PRKDC: variants seen among roughly 807,000 people sequenced by gnomAD.
PRKDC encodes the protein protein kinase, DNA-activated, catalytic subunit.
PRKDC carries 82 observed loss-of-function variants against 486.9 expected under a neutral mutation model. The ratio of observed to expected loss-of-function variants is 0.17; its 90% CI spans 0.14 to 0.20. The LOEUF is 0.20. Among genes scored for constraint, PRKDC ranks in the 10% least tolerant of loss-of-function variants. PRKDC has a pLI of 1.00. For missense variants in PRKDC, 4,504 were observed against 5,038.2 expected, an observed-to-expected ratio of 0.89 and a Z score of 3.21; for synonymous variants, 1,895 against 1,837.0, an observed-to-expected ratio of 1.03 and a Z score of -0.81.
Position 47,918,341 on chromosome 8 carries a change from GC to G in PRKDC, c.2461del (p.Ala821LeufsTer11). 6.3e-7 allele frequency: 1 copy of G among 1,594,522 alleles called. No homozygotes were observed. Among genetic ancestry groups the G allele is most frequent in the Non-Finnish European group, 8.6e-7 (1 of 1,169,332 alleles). ...NNWEVSALSR[A>X]AQKGFNKVVL... ...CACTTTATTAAATCCTTTCTGGGCAGCCCGAGAAAGAGCTGACACTTCCCAG... is the reference window on the plus strand; with the variant it reads ...CACTTTATTAAATCCTTTCTGGGCAGCCGAGAAAGAGCTGACACTTCCCAG... On this transcript the variant is annotated frameshift_variant, in exon 22 of 86. Coordinates refer to ENST00000314191, the MANE Select transcript of PRKDC (RefSeq NM_006904.7). LOFTEE classifies it high-confidence loss of function.
rs764106812 is a variant in PRKDC, at chr8:47,798,137, A to G, written c.10458+100T>C. 508 of 1,229,076 alleles carry G rather than the reference A, an allele frequency of 4.1e-4. 1 individual carries two copies. The highest frequency in any genetic ancestry group is 5.0e-4 in the Non-Finnish European group (453 of 902,846). 76.1% of individuals were successfully genotyped at this position (1,229,076 alleles called of 1,614,324 possible). A position where few individuals can be genotyped will look rare whatever the true frequency, so the allele number is the denominator to read the frequency against. Reference sequence around the variant, plus strand: ...AATTCACAGCTGGCTGGGAAAAGCTATAATACATGCACTGCACACACTAAC... The same window carrying G: ...AATTCACAGCTGGCTGGGAAAAGCTGTAATACATGCACTGCACACACTAAC... On this transcript the variant is annotated intron_variant, in intron 73 of 85. Transcript: ENST00000314191.
chr8:47,903,795 C>A (rs150436833), intron 26 of PRKDC, among the ~76,000 whole-genome samples: 325 of 152,274 alleles, frequency 2.1e-3, no homozygotes, highest in African/African-American at 7.1e-3. Context: ...AACTTTTTAA[C>A]AGAAACATTA....
At chr8:47,937,323 C>G (rs2090369311) in intron 11 of PRKDC, among the ~76,000 whole-genome samples, 1 of 152,000 alleles carries the variant, frequency 6.6e-6, no homozygotes, top group Non-Finnish European at 1.5e-5. Flanking sequence ...AATCTGTAAC[C>G]ACATTTTAAA....
In PRKDC at chr8:47,959,927, C is replaced by G. The variant is rs1016068310; in HGVS notation, c.154+46G>C. 24 of 1,521,906 alleles carry G rather than the reference C, an allele frequency of 1.6e-5. No individual in the cohort carries two copies. The South Asian group carries it at 2.0e-4, about 13-fold the overall frequency. 94.3% of individuals were successfully genotyped at this position (1,521,906 alleles called of 1,614,324 possible). On this transcript the variant is annotated intron_variant, in intron 1 of 85. Coordinates refer to ENST00000314191, the MANE Select transcript of PRKDC (RefSeq NM_006904.7). ...CGGGCTGCCCGGCTCCAGAACGACT[C>G]GGGAAGCCAGGACCCACCCGCGGCC...
Position 47,885,847 on chromosome 8 carries a change from G to A in PRKDC, c.4776+97C>T, listed in dbSNP as rs977314501. 3.3e-4 allele frequency: 381 copies of A among 1,169,502 alleles called. 1 individual carries two copies. Among genetic ancestry groups the A allele is most frequent in the East Asian group, 1.3e-3 (55 of 42,394 alleles). 72.4% of individuals were successfully genotyped at this position (1,169,502 alleles called of 1,614,324 possible). ...GCAGAGGTTGCAGTCAGCAGAGATC[G>A]TGCCACTGCACTCCAGCCTGGGCGA... On this transcript the variant is annotated intron_variant, in intron 36 of 85. Transcript: ENST00000314191.
At chr8:47,911,794 G>C (rs1220163134) in intron 25 of PRKDC, among the ~76,000 whole-genome samples, 1 of 150,878 alleles carries the variant, frequency 6.6e-6, no homozygotes, top group South Asian at 2.1e-4. Flanking sequence ...TTTTGAGAAT[G>C]AGTCTCACTC....
At chr8:47,863,626 T>C in intron 41 of PRKDC, 49 bp from the exon 42 acceptor site, 2 of 1,437,552 alleles carry the variant, frequency 1.4e-6, no homozygotes, top group Non-Finnish European at 1.9e-6. Flanking sequence ...AAACATGAAA[T>C]ACATCTTATA....
intron 80 of PRKDC, among the ~76,000 whole-genome samples, chr8:47,781,919 ATTAT>A (rs765540626): frequency 6.6e-6 from 1 of 152,214 alleles, no homozygotes; most frequent in Non-Finnish European, 1.5e-5. Flanking sequence ...TAATTTTATT[ATTAT>A]TTATTTCCTT....
At chr8:47,879,442 G>GAAA in intron 39 of PRKDC, 49 bp downstream of exon 39, 2 of 1,293,962 alleles carry the variant, frequency 1.5e-6, no homozygotes, top group South Asian at 1.6e-5. Context: ...TATGTAACAA[G>GAAA]AAAAAAAAAA....
intron 1 of PRKDC, among the ~76,000 whole-genome samples, chr8:47,958,574 G>A (rs574367577): frequency 7.2e-5 from 11 of 152,158 alleles, no homozygotes; most frequent in Non-Finnish European, 1.5e-4. Flanking sequence ...ACTTGGAAGT[G>A]CTTTAGAAAC....
At chr8:47,827,943 C>T (rs546657879) in intron 62 of PRKDC, among the ~76,000 whole-genome samples, 36 of 152,340 alleles carry the variant, frequency 2.4e-4, no homozygotes, top group African/African-American at 7.5e-4. Context: ...CAAAATAAAA[C>T]GTAACATGTT....
rs8178190 is a variant in PRKDC at position 47,830,777 on chromosome 8, T to C, written c.8266-41A>G. ...CCAAAGAAGAAGATGAGCATTCTCA[T>C]TGAAGGAAACTAGTCGTGCATGAGC... is the stretch of plus-strand genomic sequence containing the variant. On this transcript the variant is annotated intron_variant, in intron 60 of 85. Coordinates refer to ENST00000314191, the MANE Select transcript of PRKDC (RefSeq NM_006904.7). The C allele has an allele frequency of 1.6e-4, 252 of 1,612,958 alleles. 1 individual carries two copies. In the African/African-American group the frequency reaches 1.8e-3, roughly 12 times the overall value.
At chr8:47,812,546 A>T (rs1316517404) in intron 68 of PRKDC, among the ~76,000 whole-genome samples, 8 of 152,220 alleles carry the variant, frequency 5.3e-5, no homozygotes, top group Non-Finnish European at 1.2e-4. Context: ...AGTTAGAAAA[A>T]TACGTTGAAC....
intron 34 of PRKDC, among the ~76,000 whole-genome samples, 155 bp from the exon 35 acceptor site, chr8:47,887,860 G>C (rs528586021): frequency 6.6e-6 from 1 of 152,092 alleles, no homozygotes; most frequent in Non-Finnish European, 1.5e-5. Context: ...TGCTTTTGTT[G>C]TTCTTGCTAT....
intron 5 of PRKDC, 113 bp from the exon 6 acceptor site, chr8:47,954,032 G>A (rs1563822770): frequency 4.9e-6 from 3 of 614,148 alleles, no homozygotes; most frequent in Non-Finnish European, 8.0e-6. Flanking sequence ...TGATTTTACA[G>A]TAAGAGATAT....
intron 10 of PRKDC, among the ~76,000 whole-genome samples, chr8:47,942,239 C>G (rs551189374): frequency 6.6e-6 from 1 of 152,188 alleles, no homozygotes; most frequent in South Asian, 2.1e-4. Context: ...GCAAGTAAGG[C>G]CAGCCAAGTT....
intron 30 of PRKDC, 82 bp downstream of exon 30, chr8:47,897,079 C>A: frequency 1.5e-6 from 2 of 1,378,466 alleles, no homozygotes; most frequent in Non-Finnish European, 2.0e-6. Flanking sequence ...CAATGATACC[C>A]AATTACTCAA....
At chr8:47,914,809 A>G (rs1212418389) in intron 23 of PRKDC, among the ~76,000 whole-genome samples, 1 of 151,112 alleles carries the variant, frequency 6.6e-6, no homozygotes, top group Non-Finnish European at 1.5e-5. Context: ...AAAAAAAAAA[A>G]GCTGATTCTT....
In PRKDC at chr8:47,858,995, G is replaced by C. The variant is rs752949556; in HGVS notation, c.6208-9C>G. On this transcript the variant is annotated splice_polypyrimidine_tract_variant and intron_variant, in intron 46 of 85. Coordinates refer to ENST00000314191, the MANE Select transcript of PRKDC (RefSeq NM_006904.7). ...GTGGGGTCCCGCTGCTCCTGCGAAA[G>C]GGAGGGCCCAGGAGAGCAGAGGGTA... 44 of 1,611,952 alleles carry C rather than the reference G, an allele frequency of 2.7e-5. No homozygotes were observed. Among genetic ancestry groups the C allele is most frequent in the Non-Finnish European group, 3.6e-5 (43 of 1,179,876 alleles).
Sources: allele counts gnomAD v4.1 joint callset (sites outside exome capture counted in the v4.1 genomes callset), GRCh38; gene constraint gnomAD v4.1.1; transcripts MANE v1.5; gene names NCBI Gene and HGNC (gene_info 2026-07-23, HGNC 2026-07-21).